Variants in VPS26A observed in about 807,000 individuals in gnomAD.
VPS26A encodes the protein vacuolar protein sorting-associated protein 26A.
Under a neutral mutation model 42.4 loss-of-function variants are expected in VPS26A, and 22 were observed. The ratio of observed to expected loss-of-function variants is 0.52; its 90% CI spans 0.37 to 0.74. The LOEUF (loss-of-function observed/expected upper bound fraction) is 0.74. Among genes scored for constraint, VPS26A ranks in the 30% least tolerant of loss-of-function variants. The probability of loss-of-function intolerance (pLI) is 0.00; values close to 1 mark genes in which losing one functional copy is unlikely to be tolerated. For synonymous variants in VPS26A, 110 were observed against 123.5 expected (o/e 0.89, Z 0.73); for missense variants, 276 against 379.2 (o/e 0.73, Z 2.26).
At chr10:69,133,669 T>C in intron 2 of VPS26A, 1 of 1,185,114 alleles carries the variant, frequency 8.4e-7, no homozygotes. Flanking sequence ...TTTGGGTTTT[T>C]TGGGTTTTTT....
chr10:69,134,265 A>G (rs2132191218), intron 2 of VPS26A, among the ~76,000 whole-genome samples: 1 of 152,258 alleles, frequency 6.6e-6, no homozygotes, highest in African/African-American at 2.4e-5. Flanking sequence ...TGTATATGTA[A>G]TATATTCAGC....
intron 2 of VPS26A, among the ~76,000 whole-genome samples, chr10:69,139,918 A>G (rs1348820266): frequency 2.0e-5 from 3 of 152,108 alleles, no homozygotes; most frequent in African/African-American, 7.2e-5. Context: ...TTAATATCGT[A>G]TAGCCTGTTT....
intron 1 of VPS26A, among the ~76,000 whole-genome samples, chr10:69,130,893 A>G (rs1266317765): frequency 6.6e-6 from 1 of 152,114 alleles, no homozygotes; most frequent in Non-Finnish European, 1.5e-5. Flanking sequence ...TGGTGTTCCC[A>G]TTTGTATGAA....
Position 69,165,940 on chromosome 10 carries a change from C to T in VPS26A, c.659-102C>T, listed in dbSNP as rs11812800. 9.1e-3 allele frequency: 10,513 copies of T among 1,149,590 alleles called. 724 individuals carry two copies. In the African/African-American group the frequency reaches 0.15, roughly 16 times the overall value. The allele number at this position is 1,149,590 out of a possible 1,614,324, so 71.2% of individuals were successfully genotyped here. On this transcript the variant is annotated intron_variant, in intron 6 of 8. Transcript: ENST00000263559. ...TAGCTTGGGTGATGGAGCGAGACAC[C>T]GTCTCTAAAAAAAAATAATGTAGTG...
In VPS26A at chr10:69,168,200, TG is replaced by T. The variant is rs537741748; in HGVS notation, c.728-288del. Among the ~76,000 whole-genome samples, 354 of 152,328 alleles carry T rather than the reference TG, an allele frequency of 2.3e-3. 4 individuals are homozygous for T. The highest frequency in any genetic ancestry group is 8.1e-3 in the African/African-American group (336 of 41,554). ...ACTTCACCTCACAATGAATGTTTGG[TG>T]TTGTCTGGAGATATTTTTGGCTGTT... On this transcript the variant is annotated intron_variant, in intron 7 of 8. Transcript: ENST00000263559.
At chr10:69,132,847 TGTA>T (rs1339614373) in intron 1 of VPS26A, 48 bp from the exon 2 acceptor site, 6 of 1,510,594 alleles carry the variant, frequency 4.0e-6, no homozygotes, top group Non-Finnish European at 5.3e-6. Flanking sequence ...AATTATAAAA[TGTA>T]GTGACTGACT....
chr10:69,168,616 G>A lies in VPS26A; in HGVS notation c.855G>A (p.Arg285=). Residue 285 remains arginine (R), a synonymous_variant, in exon 8 of 9, where the codon AGG becomes AGA. Transcript: ENST00000263559. Reference sequence around the variant, plus strand: ...TGCTTGTTGATGAGGAAGACCGGAGGTACTTCAAACAGCAGGTATGGTGCC... The same window carrying A: ...TGCTTGTTGATGAGGAAGACCGGAGATACTTCAAACAGCAGGTATGGTGCC... The part of the protein sequence containing the change: ...NLVLVDEEDR[R]YFKQQEIILW... 1.9e-6 allele frequency: 3 copies of A among 1,613,672 alleles called. No homozygotes were observed. The highest frequency in any genetic ancestry group is 1.1e-5 in the South Asian group (1 of 90,988).
chr10:69,126,565 C>CAA (rs60734904), intron 1 of VPS26A, among the ~76,000 whole-genome samples: 7 of 135,786 alleles, frequency 5.2e-5, no homozygotes, highest in Admixed American at 2.9e-4. Context: ...GACTCCGTCT[C>CAA]AAAAAAAAAA....
At chr10:69,164,718 T>C (rs1047424867) in intron 6 of VPS26A, among the ~76,000 whole-genome samples, 4 of 152,202 alleles carry the variant, frequency 2.6e-5, no homozygotes, top group African/African-American at 9.6e-5. Flanking sequence ...TTGATTCTAC[T>C]GAAGTAATAC....
intron 2 of VPS26A, among the ~76,000 whole-genome samples, chr10:69,152,145 G>A (rs1841326913): frequency 6.6e-6 from 1 of 152,014 alleles, no homozygotes; most frequent in Non-Finnish European, 1.5e-5. Context: ...GCAGATTGAG[G>A]CTGCAGTGAG....
At chr10:69,130,405 C>T (rs1268341376) in intron 1 of VPS26A, among the ~76,000 whole-genome samples, 2 of 152,120 alleles carry the variant, frequency 1.3e-5, no homozygotes, top group African/African-American at 2.4e-5. Flanking sequence ...TTGCTTGGCT[C>T]TAAGACAAGA....
intron 6 of VPS26A, among the ~76,000 whole-genome samples, chr10:69,165,128 G>A (rs950405788): frequency 2.0e-5 from 3 of 151,876 alleles, no homozygotes; most frequent in South Asian, 4.1e-4. Flanking sequence ...GGGTTTCACC[G>A]TGTTGCCTAG....
chr10:69,153,638 G>A (rs531664311), intron 2 of VPS26A, among the ~76,000 whole-genome samples: 1 of 152,050 alleles, frequency 6.6e-6, no homozygotes, highest in South Asian at 2.1e-4. Context: ...ATAGGCATGA[G>A]CCACCACGCC....
chr10:69,150,362 T>G, intron 2 of VPS26A, among the ~76,000 whole-genome samples: 1 of 133,644 alleles, frequency 7.5e-6, no homozygotes. Flanking sequence ...GGCCCAACTT[T>G]CCTGATTTTG....
chr10:69,137,077 A>G (rs11817134), intron 2 of VPS26A, among the ~76,000 whole-genome samples: 27,046 of 152,196 alleles, frequency 0.18, 2,791 homozygotes, highest in Non-Finnish European at 0.23. Context: ...GGCGTGAGCC[A>G]CCGTGCCTGG....
At chr10:69,130,629 CTG>C (rs555129563) in intron 1 of VPS26A, among the ~76,000 whole-genome samples, 346 of 152,310 alleles carry the variant, frequency 2.3e-3, no homozygotes, top group African/African-American at 7.7e-3. Context: ...TGAAATACCT[CTG>C]TATCAAATGC....
At chr10:69,155,033 C>T (rs1236376338) in intron 2 of VPS26A, among the ~76,000 whole-genome samples, 2 of 152,078 alleles carry the variant, frequency 1.3e-5, no homozygotes, top group South Asian at 4.1e-4. Flanking sequence ...GCCTGTACTT[C>T]TAGCACTTTG....
chr10:69,162,812 T>C (rs1187284699), intron 6 of VPS26A, among the ~76,000 whole-genome samples: 4 of 152,216 alleles, frequency 2.6e-5, no homozygotes, highest in Admixed American at 6.5e-5. Context: ...ATAGGTAATA[T>C]GTTTATTATA....
At chr10:69,153,261 G>A (rs1841360746) in intron 2 of VPS26A, among the ~76,000 whole-genome samples, 1 of 151,912 alleles carries the variant, frequency 6.6e-6, no homozygotes, top group African/African-American at 2.4e-5. Context: ...TGTTGGCCAG[G>A]CTGGTCTGGA....
Sources: allele counts gnomAD v4.1 joint callset (sites outside exome capture counted in the v4.1 genomes callset), GRCh38; gene constraint gnomAD v4.1.1; transcripts MANE v1.5; gene names NCBI Gene and HGNC (gene_info 2026-07-23, HGNC 2026-07-21).